The following SLIT1 variants were observed in gnomAD, a reference collection of about 807,000 sequenced individuals.
SLIT1 encodes slit homolog 1 protein.
SLIT1 carries 66 observed loss-of-function variants against 186.1 expected under a neutral mutation model. That is an observed-to-expected ratio of 0.35 (90% confidence interval 0.29 to 0.44). The LOEUF is 0.44. SLIT1 is among the 20% of genes least tolerant of loss of function. SLIT1 has a pLI of 1.00. For synonymous variants in SLIT1, 761 were observed against 833.8 expected (o/e 0.91, Z 1.50); for missense variants, 1,638 against 2,037.4 (o/e 0.80, Z 3.77).
intron 4 of SLIT1, among the ~76,000 whole-genome samples, chr10:97,127,023 G>T (rs1272536097): frequency 2.1e-4 from 32 of 152,188 alleles, no homozygotes; most frequent in Admixed American, 2.1e-3. Context: ...GGGCACGGTG[G>T]CTCATGCCTG....
chr10:97,157,743 A>G, intron 4 of SLIT1, 75 bp downstream of exon 4: 1 of 1,152,924 alleles, frequency 8.7e-7, no homozygotes, highest in Non-Finnish European at 1.3e-6. Context: ...GGCCCCACTG[A>G]CCAAACACTG....
intron 34 of SLIT1, among the ~76,000 whole-genome samples, chr10:97,003,475 A>T (rs1848330919): frequency 6.6e-6 from 1 of 152,152 alleles, no homozygotes; most frequent in Admixed American, 6.5e-5. Flanking sequence ...CTGAAGCTGC[A>T]CAAGGAGTAA....
chr10:97,149,739 T>A (rs1849855658), intron 4 of SLIT1, among the ~76,000 whole-genome samples: 1 of 152,112 alleles, frequency 6.6e-6, no homozygotes. Context: ...TGGGGTCAGG[T>A]GGGCCTGGGT....
At chr10:97,182,614 C>T (rs752944570) in intron 1 of SLIT1, among the ~76,000 whole-genome samples, 4 of 152,230 alleles carry the variant, frequency 2.6e-5, no homozygotes, top group Non-Finnish European at 5.9e-5. Context: ...GCTCCACTTC[C>T]CCAGGATAAC....
chr10:97,177,180 ATCTC>A (rs760782534), intron 1 of SLIT1, among the ~76,000 whole-genome samples: 1 of 151,926 alleles, frequency 6.6e-6, no homozygotes, highest in Non-Finnish European at 1.5e-5. Flanking sequence ...AGGTCCCCCC[ATCTC>A]TCTCTCCAAC....
chr10:97,059,463 G>A lies in SLIT1; in HGVS notation c.1082C>T (p.Ser361Leu), dbSNP rs754970849. The A allele has an allele frequency of 4.3e-6, 7 of 1,613,196 alleles. No homozygotes were observed. Among genetic ancestry groups the A allele is most frequent in the African/African-American group, 1.3e-5 (1 of 74,928 alleles). The part of the protein sequence containing the change: ...DAFQGLRSLN[S>L]LVLYGNKITD... ...AAGCCTTGGCACTGCTACTCACAGC[G>A]AGTTCAGGGAGCGGAGGCCCTGGAA... The change falls in exon 11 of 37, where the codon TCG (serine) becomes TTG (leucine). Residue 361 changes from serine to leucine, a missense_variant. Around this residue, in one of 3 missense-constraint regions of SLIT1, gnomAD observed 1,245 missense variants for 1,535.3 expected, o/e 0.81. Transcript: ENST00000266058.
intron 4 of SLIT1, among the ~76,000 whole-genome samples, chr10:97,087,414 G>A (rs1413552957): frequency 4.6e-5 from 7 of 152,084 alleles, no homozygotes; most frequent in Non-Finnish European, 8.8e-5. Context: ...GCCCTCCCCC[G>A]TCTCCATCCC....
intron 4 of SLIT1, among the ~76,000 whole-genome samples, chr10:97,077,782 G>C (rs1849059470): frequency 6.6e-6 from 1 of 152,136 alleles, no homozygotes; most frequent in Non-Finnish European, 1.5e-5. Flanking sequence ...GCTCACACAT[G>C]CTCTGTGAGG....
chr10:97,013,165 C>G (rs1357578818), intron 30 of SLIT1, among the ~76,000 whole-genome samples: 1 of 152,178 alleles, frequency 6.6e-6, no homozygotes, highest in Non-Finnish European at 1.5e-5. Context: ...GCCCCGTAAT[C>G]AGACTTATTC....
chr10:97,025,538 A>G (rs532534232), intron 25 of SLIT1, among the ~76,000 whole-genome samples: 1 of 151,998 alleles, frequency 6.6e-6, no homozygotes, highest in South Asian at 2.1e-4. Flanking sequence ...TCATCTGGGG[A>G]CTATTTCTCC....
At position 97,010,848 on chromosome 10, in the gene SLIT1, C is replaced by CCG. The variant is rs1848404146; in HGVS notation, c.3341+144_3341+145insCG. On this transcript the variant is annotated intron_variant, in intron 31 of 36. Coordinates refer to ENST00000266058, the MANE Select transcript of SLIT1 (RefSeq NM_003061.3). This position sits in a 1 kb window ranked among gnomAD's most constrained non-coding sequence, Gnocchi z 4.8. ...TTTCCCAAGGCTGCACAGCTGGTGA[C>CCG]TGGCAGAGCCACGGTTAAAACCCCA... 1.4e-6 allele frequency: 1 copy of CCG among 731,496 alleles called. No homozygotes were observed. Among genetic ancestry groups the CCG allele is most frequent in the Non-Finnish European group, 2.2e-6 (1 of 448,632 alleles). The allele number at this position is 731,496 out of a possible 1,614,324, so 45.3% of individuals were successfully genotyped here.
intron 4 of SLIT1, among the ~76,000 whole-genome samples, chr10:97,095,999 C>T (rs1432204031): frequency 6.6e-6 from 1 of 152,090 alleles, no homozygotes; most frequent in East Asian, 1.9e-4. Flanking sequence ...GGTGCAAGGT[C>T]CCTCCCGGAT....
At position 97,060,134 on chromosome 10, in the gene SLIT1, C is replaced by G; in HGVS notation, c.966G>C (p.Lys322Asn). ...TEIRLELNGI[K>N]SIPPGAFSPY... ...GTGAGAAGGCTCCAGGAGGGATGGA[C>G]TTGATGCCGTTCAGCTCCAGGCGTC... Residue 322 changes from lysine to asparagine, a missense_variant, in exon 10 of 37, where the codon AAG becomes AAC. Transcript: ENST00000266058. The G allele has an allele frequency of 1.2e-6, 2 of 1,614,166 alleles. No individual in the cohort carries two copies. The highest frequency in any genetic ancestry group is 1.7e-6 in the Non-Finnish European group (2 of 1,180,002).
At chr10:97,009,745 T>C (rs1848394955) in intron 31 of SLIT1, among the ~76,000 whole-genome samples, 2 of 152,244 alleles carry the variant, frequency 1.3e-5, no homozygotes. Flanking sequence ...ATAAGGGACT[T>C]GTCTAGAATA....
intron 4 of SLIT1, among the ~76,000 whole-genome samples, chr10:97,088,718 A>C (rs534308905): frequency 2.6e-4 from 39 of 152,314 alleles, no homozygotes; most frequent in African/African-American, 9.1e-4. Flanking sequence ...GTAGGAAAGA[A>C]AACAAAAGAA....
chr10:97,052,504 T>C (rs1432669974), intron 13 of SLIT1, among the ~76,000 whole-genome samples: 1 of 152,184 alleles, frequency 6.6e-6, no homozygotes, highest in Non-Finnish European at 1.5e-5. Flanking sequence ...GACAAGGGAT[T>C]TGGAAGGGAA....
rs1203844043 is a variant in SLIT1 at position 97,184,070 on chromosome 10, G to C, written c.197+1408C>G. Among the ~76,000 whole-genome samples the C allele has an allele frequency of 6.9e-6, 1 of 144,358 alleles. No individual in the cohort carries two copies. Among genetic ancestry groups the C allele is most frequent in the Non-Finnish European group, 1.5e-5 (1 of 66,010 alleles). 94.7% of individuals were successfully genotyped at this position (144,358 alleles called of 152,430 possible). A position where few individuals can be genotyped will look rare whatever the true frequency, so the allele number is the denominator to read the frequency against. On this transcript the variant is annotated intron_variant, in intron 1 of 36. Transcript: ENST00000266058. The surrounding 1 kb of genome is among the most constrained non-coding windows in gnomAD (Gnocchi z 4.4). ...CACACACACACACACTTCCCATCTA[G>C]ATTGCATCTAGATTGCAAATTCTCT...
At chr10:97,019,946 G>A (rs977193234) in intron 26 of SLIT1, among the ~76,000 whole-genome samples, 6 of 151,878 alleles carry the variant, frequency 4.0e-5, no homozygotes, top group Non-Finnish European at 7.4e-5. Flanking sequence ...TAGAGATGGG[G>A]TTCTGTTTCC....
intron 13 of SLIT1, among the ~76,000 whole-genome samples, chr10:97,049,774 A>G (rs2805589): frequency 0.96 from 147,019 of 152,352 alleles, 71,142 homozygotes; most frequent in East Asian, 1. Context: ...AAGAAAACTC[A>G]GAAATCATGA....
Sources: gnomAD v4.1 joint callset for allele counts (sites outside exome capture counted in the v4.1 genomes callset) on GRCh38, gnomAD v4.1.1 for gene constraint, gnomAD v4.1.1 regional missense constraint, Gnocchi (gnomAD v3.1) non-coding constraint, MANE v1.5 for transcripts, NCBI Gene and HGNC (gene_info 2026-07-23, HGNC 2026-07-21) for gene names.